The following CCDC93 variants were observed in gnomAD, a reference collection of about 807,000 sequenced individuals.
CCDC93 encodes coiled-coil domain-containing protein 93.
In CCDC93, 61 loss-of-function variants were observed where a neutral mutation model predicts 108.2. The ratio of observed to expected loss-of-function variants is 0.56; its 90% CI spans 0.46 to 0.70. The LOEUF (loss-of-function observed/expected upper bound fraction) is 0.70, where lower values mean the gene tolerates loss of function less well. Among genes scored for constraint, CCDC93 ranks in the 30% least tolerant of loss-of-function variants. The probability of loss-of-function intolerance (pLI) is 0.00; values close to 1 mark genes in which losing one functional copy is unlikely to be tolerated. For synonymous variants in CCDC93, 276 were observed against 260.4 expected, an observed-to-expected ratio of 1.06 and a Z score of -0.58; for missense variants, 685 against 764.2, an observed-to-expected ratio of 0.90 and a Z score of 1.22.
At chr2:117,972,553 C>T (rs1679798908) in intron 11 of CCDC93, among the ~76,000 whole-genome samples, 1 of 151,928 alleles carries the variant, frequency 6.6e-6, no homozygotes, top group African/African-American at 2.4e-5. Context: ...TTACAATCAT[C>T]AGAGCTCCTA....
intron 22 of CCDC93, chr2:117,931,421 A>G (rs1382844365): frequency 6.0e-6 from 2 of 331,996 alleles, no homozygotes; most frequent in African/African-American, 4.3e-5. Context: ...GTGATTCTCA[A>G]CTAGGAGCTA....
chr2:117,962,131 AC>A (rs1679416056), intron 11 of CCDC93, among the ~76,000 whole-genome samples: 1 of 152,190 alleles, frequency 6.6e-6, no homozygotes, highest in Non-Finnish European at 1.5e-5. Flanking sequence ...AAAAATGATT[AC>A]TTTAGCTAAA....
Position 117,919,161 on chromosome 2 carries a change from T to A in CCDC93, c.*1182A>T, listed in dbSNP as rs1353884124. ...ATCTGCACTGGTCATTTCCAAGGAT[T>A]AAAATCAACCCTCAGCTGCCCTTCA... is the stretch of plus-strand genomic sequence containing the variant. On this transcript the variant is annotated 3_prime_UTR_variant, in exon 24 of 24. Transcript: ENST00000376300. 6.6e-6 allele frequency: 1 copy of A among 152,142 alleles called. No individual in the cohort carries two copies. The highest frequency in any genetic ancestry group is 1.9e-4 in the East Asian group (1 of 5,180). The allele number at this position is 152,142 out of a possible 1,614,324, so 9.4% of individuals were successfully genotyped here. A position where few individuals can be genotyped will look rare whatever the true frequency, so the allele number is the denominator to read the frequency against.
At position 117,941,293 on chromosome 2, in the gene CCDC93, C is replaced by T. The variant is rs147959653; in HGVS notation, c.1418G>A (p.Arg473Gln). ...CAAAATTGCTATTTCTCGATTTCTT[C>T]GAGCCTAAATGCAAAAGGGAGACAG... ...KLYKIRLLQA[R>Q]RNREIAILHR... is the part of the protein sequence containing the mutation. The change falls in exon 19 of 24, where the codon CGA becomes CAA. Residue 473 changes from arginine (R) to glutamine (Q), a missense_variant. Coordinates refer to ENST00000376300, the MANE Select transcript of CCDC93 (RefSeq NM_019044.5). 19 of 1,613,018 alleles carry T rather than the reference C, an allele frequency of 1.2e-5. 1 individual carries two copies. Among genetic ancestry groups the T allele is most frequent in the African/African-American group, 8.0e-5 (6 of 74,868 alleles).
intron 18 of CCDC93, 83 bp from the exon 19 acceptor site, chr2:117,941,380 C>G: frequency 9.3e-7 from 1 of 1,076,314 alleles, no homozygotes. Flanking sequence ...ATTGCCTGCA[C>G]CCCGACCTGA....
At chr2:117,950,159 T>C (rs1324718759) in intron 13 of CCDC93, 1 of 985,260 alleles carries the variant, frequency 1.0e-6, no homozygotes, top group African/African-American at 1.7e-5. Flanking sequence ...GTGGGCTGCA[T>C]AAAATGCATG....
At position 117,998,977 on chromosome 2, in the gene CCDC93, G is replaced by A. The variant is rs569428476; in HGVS notation, c.363+1844C>T. The A allele has an allele frequency of 5.3e-5, 8 of 152,322 alleles. No individual in the cohort carries two copies. In the East Asian group the frequency reaches 1.5e-3, roughly 29 times the overall value. 9.4% of individuals were successfully genotyped at this position (152,322 alleles called of 1,614,324 possible). A position where few individuals can be genotyped will look rare whatever the true frequency, so the allele number is the denominator to read the frequency against. On this transcript the variant is annotated intron_variant, in intron 4 of 23. Coordinates refer to ENST00000376300, the MANE Select transcript of CCDC93 (RefSeq NM_019044.5). ...TCATGGAATTCGGCTTTGAAGTCTA[G>A]CAGAGGGGAAGACTCAACACATAAC... is the stretch of plus-strand genomic sequence containing the variant.
intron 22 of CCDC93, among the ~76,000 whole-genome samples, chr2:117,933,705 C>CTTT (rs77802787): frequency 6.9e-6 from 1 of 144,716 alleles, no homozygotes; most frequent in African/African-American, 2.5e-5. Context: ...ACAGGGAAAG[C>CTTT]TTTTTTTTTT....
chr2:117,932,581 G>C (rs1236599078), intron 22 of CCDC93, among the ~76,000 whole-genome samples: 1 of 152,186 alleles, frequency 6.6e-6, no homozygotes, highest in Non-Finnish European at 1.5e-5. Context: ...CGGATGCCTG[G>C]TGCACACCCA....
intron 8 of CCDC93, 74 bp from the exon 9 acceptor site, chr2:117,975,354 A>T (rs1467252217): frequency 9.2e-7 from 1 of 1,083,410 alleles, no homozygotes; most frequent in Non-Finnish European, 1.4e-6. Flanking sequence ...TACTGACAAG[A>T]GGCATGAGTC....
At chr2:118,013,269 C>G (rs1278572310) in intron 1 of CCDC93, among the ~76,000 whole-genome samples, 1 of 152,268 alleles carries the variant, frequency 6.6e-6, no homozygotes, top group South Asian at 2.1e-4. Context: ...GAACCCCGCC[C>G]TCTTCTGGAG....
At position 117,973,734 on chromosome 2, in the gene CCDC93, G is replaced by A. The variant is rs151106741; in HGVS notation, c.888+174C>T. On this transcript the variant is annotated intron_variant, in intron 11 of 23. Transcript: ENST00000376300. ...GCAGGACAAAATTAATTTAACTAAC[G>A]GGCAAGTGCTGATAGCCGGTTGTGC... Among the ~76,000 whole-genome samples, 7 of 152,096 alleles carry A rather than the reference G, an allele frequency of 4.6e-5. No individual in the cohort carries two copies. In the East Asian group the frequency reaches 5.8e-4, roughly 13 times the overall value.
intron 13 of CCDC93, chr2:117,950,826 A>G (rs968337826): frequency 2.0e-6 from 2 of 985,416 alleles, no homozygotes; most frequent in South Asian, 4.7e-5. Context: ...AAGCTCCCAG[A>G]GAGGGCTCTG....
At chr2:118,006,887 T>C in intron 2 of CCDC93, 71 bp from the exon 3 acceptor site, 6 of 912,212 alleles carry the variant, frequency 6.6e-6, no homozygotes, top group Non-Finnish European at 9.1e-6. Context: ...GGAAGGTAGA[T>C]GGATTATAAA....
At chr2:118,001,223 G>A (rs992120227) in intron 3 of CCDC93, 30 of 244,800 alleles carry the variant, frequency 1.2e-4, no homozygotes, top group Non-Finnish European at 1.6e-4. Flanking sequence ...AGAGGTAGTC[G>A]TTACTATTTT....
chr2:117,920,949 C>T (rs192207702), intron 23 of CCDC93, among the ~76,000 whole-genome samples: 102 of 152,090 alleles, frequency 6.7e-4, no homozygotes, highest in East Asian at 1.2e-3. Flanking sequence ...TTTGGGAGGC[C>T]GAGGCAGGCG....
chr2:117,928,637 T>C (rs1252727873), intron 23 of CCDC93, among the ~76,000 whole-genome samples: 4 of 152,080 alleles, frequency 2.6e-5, no homozygotes, highest in Non-Finnish European at 4.4e-5. Context: ...TGTGGAGAAA[T>C]AGGAACACTT....
chr2:117,975,640 T>C (rs750986419), intron 8 of CCDC93, among the ~76,000 whole-genome samples: 18 of 152,200 alleles, frequency 1.2e-4, no homozygotes, highest in Non-Finnish European at 2.4e-4. Flanking sequence ...TTAAGACCAA[T>C]TAGTGGGACA....
intron 6 of CCDC93, among the ~76,000 whole-genome samples, chr2:117,989,848 A>G (rs1238779657): frequency 6.6e-6 from 1 of 152,228 alleles, no homozygotes; most frequent in Non-Finnish European, 1.5e-5. Flanking sequence ...CACTACATTT[A>G]TATTTTACAA....
Sources: allele counts gnomAD v4.1 joint callset (sites outside exome capture counted in the v4.1 genomes callset), GRCh38; gene constraint gnomAD v4.1.1; transcripts MANE v1.5; gene names NCBI Gene and HGNC (gene_info 2026-07-23, HGNC 2026-07-21).